CDH12: variants seen among roughly 807,000 people sequenced by gnomAD.
The protein encoded by CDH12 is cadherin-12.
A neutral mutation model predicts 74.1 loss-of-function variants in CDH12; 41 were observed. The observed-to-expected ratio is 0.55, with a 90% CI of 0.43 to 0.72. CDH12 has a LOEUF of 0.72. CDH12 is among the 30% of genes least tolerant of loss of function. The pLI, the probability that CDH12 is intolerant of heterozygous loss-of-function variation, is 0.00. For synonymous variants in CDH12, 399 were observed against 355.0 expected (o/e 1.12, Z -1.39); for missense variants, 945 against 977.2 (o/e 0.97, Z 0.44).
chr5:22,641,417 C>T (rs1280618617), intron 1 of CDH12, among the ~76,000 whole-genome samples: 1 of 151,990 alleles, frequency 6.6e-6, no homozygotes, highest in African/African-American at 2.4e-5. Context: ...TATTTGGGGC[C>T]CCAAGTGGTT....
intron 5 of CDH12, among the ~76,000 whole-genome samples, chr5:22,027,861 C>T (rs572145404): frequency 0.032 from 4,839 of 151,866 alleles, 261 homozygotes; most frequent in African/African-American, 0.11. Flanking sequence ...TGCTAGCTTT[C>T]GAATGTGTTT....
chr5:21,947,930 A>G (rs116236304), intron 6 of CDH12, among the ~76,000 whole-genome samples: 1 of 152,184 alleles, frequency 6.6e-6, no homozygotes, highest in African/African-American at 2.4e-5. Context: ...AAAGGAGACA[A>G]TGTACAGCTC....
intron 2 of CDH12, among the ~76,000 whole-genome samples, chr5:22,407,327 T>C (rs1742982024): frequency 6.6e-6 from 1 of 152,076 alleles, no homozygotes; most frequent in Admixed American, 6.6e-5. Flanking sequence ...CTTTGATTTC[T>C]TCTCCTCCCA....
intron 2 of CDH12, among the ~76,000 whole-genome samples, chr5:22,497,083 T>A (rs1747132079): frequency 6.6e-6 from 1 of 152,184 alleles, no homozygotes; most frequent in Non-Finnish European, 1.5e-5. Context: ...TCTCATACAA[T>A]TCTTATGAGG....
intron 6 of CDH12, among the ~76,000 whole-genome samples, chr5:21,962,908 C>G (rs1756424152): frequency 6.6e-6 from 1 of 152,114 alleles, no homozygotes; most frequent in Admixed American, 6.6e-5. Context: ...CTGCTTTCAG[C>G]AGGTCTTGCA....
chr5:22,029,289 G>A (rs1738633478), intron 5 of CDH12, among the ~76,000 whole-genome samples: 1 of 152,094 alleles, frequency 6.6e-6, no homozygotes, highest in South Asian at 2.1e-4. Context: ...AAGAGCGTCT[G>A]CACAGCAAAA....
At chr5:22,216,394 A>T (rs1751803507) in intron 3 of CDH12, among the ~76,000 whole-genome samples, 1 of 151,958 alleles carries the variant, frequency 6.6e-6, no homozygotes, top group Non-Finnish European at 1.5e-5. Flanking sequence ...TATTAGTCTT[A>T]TGATTCTTAC....
At chr5:22,098,700 C>T (rs138569857) in intron 4 of CDH12, among the ~76,000 whole-genome samples, 1,750 of 152,248 alleles carry the variant, frequency 0.011, 29 homozygotes, top group African/African-American at 0.04. Context: ...ATCCGGCCTC[C>T]CACATTATTC....
chr5:21,945,864 A>G (rs1414783518), intron 6 of CDH12, among the ~76,000 whole-genome samples: 1 of 152,124 alleles, frequency 6.6e-6, no homozygotes, highest in Admixed American at 6.5e-5. Context: ...GGACTAAAAA[A>G]CTATTAAAAA....
intron 2 of CDH12, among the ~76,000 whole-genome samples, chr5:22,411,260 C>T (rs1743158345): frequency 1.3e-5 from 2 of 151,360 alleles, no homozygotes; most frequent in Non-Finnish European, 3.0e-5. Flanking sequence ...TTCTATATAC[C>T]AATGGAAAAC....
At chr5:22,367,113 AT>A (rs1175578772) in intron 3 of CDH12, among the ~76,000 whole-genome samples, 2 of 152,210 alleles carry the variant, frequency 1.3e-5, no homozygotes, top group Admixed American at 1.3e-4. Context: ...GGTTACTTGT[AT>A]TTTTGTGTTT....
Position 21,884,256 on chromosome 5 carries a change from C to G in CDH12, c.527-29466G>C, listed in dbSNP as rs1339187688. On this transcript the variant is annotated intron_variant, in intron 6 of 14. Coordinates refer to ENST00000382254, the MANE Select transcript of CDH12 (RefSeq NM_004061.5). ...AGAAATTCCTAAAGAAGAGAAGGAC[C>G]CTGGAATGGGTGCAATGGGTGGAAT... is the stretch of plus-strand genomic sequence containing the variant. 3.3e-6 allele frequency: 5 copies of G among 1,499,308 alleles called. No individual in the cohort carries two copies. The African/African-American group carries it at 5.5e-5, about 17-fold the overall frequency. 92.9% of individuals were successfully genotyped at this position (1,499,308 alleles called of 1,614,324 possible).
intron 1 of CDH12, among the ~76,000 whole-genome samples, chr5:22,835,955 A>C (rs555772089): frequency 2.0e-5 from 3 of 152,290 alleles, no homozygotes; most frequent in Non-Finnish European, 4.4e-5. Flanking sequence ...GCTAATTTCA[A>C]TGATGTTGGA....
At chr5:22,274,500 T>C (rs10059496) in intron 3 of CDH12, among the ~76,000 whole-genome samples, 1,728 of 152,194 alleles carry the variant, frequency 0.011, 35 homozygotes, top group African/African-American at 0.04. Flanking sequence ...GGACAATCAA[T>C]TTTTTAAATG....
At chr5:21,872,651 T>G (rs1435943176) in intron 6 of CDH12, among the ~76,000 whole-genome samples, 1 of 152,152 alleles carries the variant, frequency 6.6e-6, no homozygotes, top group East Asian at 1.9e-4. Context: ...AATAAATCAG[T>G]TTTGATGCAA....
chr5:21,755,601 A>G lies in CDH12; in HGVS notation c.1875T>C (p.Val625=). 6.2e-7 allele frequency: 1 copy of G among 1,613,912 alleles called. No individual in the cohort carries two copies. Among genetic ancestry groups the G allele is most frequent in the Non-Finnish European group, 8.5e-7 (1 of 1,179,882 alleles). ...GALIAILLCI[V]ILLAIVVLYV... ...AATATTGAAACCAACCTAAGAGTATAACAATGCATAGTAGAATTGCAATCA... is the reference window on the plus strand; with the variant it reads ...AATATTGAAACCAACCTAAGAGTATGACAATGCATAGTAGAATTGCAATCA... Residue 625 remains valine, a synonymous_variant, in exon 14 of 15, where the codon GTT becomes GTC. Transcript: ENST00000382254.
Position 22,110,493 on chromosome 5 carries a change from A to G in CDH12, c.-186-31631T>C, listed in dbSNP as rs555500581. Among the ~76,000 whole-genome samples the G allele has an allele frequency of 3.3e-5, 5 of 151,934 alleles. No individual in the cohort carries two copies. In the East Asian group the frequency reaches 7.8e-4, roughly 24 times the overall value. ...GGGGAAGGGGTGGGGGTGGCTAGGC[A>G]ATAGGCACTCACTTCTGATTGGAAG... On this transcript the variant is annotated intron_variant, in intron 4 of 14. Coordinates refer to ENST00000382254, the MANE Select transcript of CDH12 (RefSeq NM_004061.5).
intron 5 of CDH12, among the ~76,000 whole-genome samples, chr5:22,017,022 A>G (rs1210677471): frequency 1.3e-5 from 2 of 152,094 alleles, no homozygotes; most frequent in African/African-American, 4.8e-5. Flanking sequence ...TCTCCACTCT[A>G]TGACCCACCA....
chr5:22,732,604 C>G (rs1280735490), intron 1 of CDH12, among the ~76,000 whole-genome samples: 2 of 151,880 alleles, frequency 1.3e-5, no homozygotes, highest in South Asian at 2.1e-4. Context: ...ACTTAGTCCA[C>G]TCCAATGTGA....
Sources: allele counts gnomAD v4.1 joint callset (sites outside exome capture counted in the v4.1 genomes callset), GRCh38; gene constraint gnomAD v4.1.1; transcripts MANE v1.5; gene names NCBI Gene and HGNC (gene_info 2026-07-23, HGNC 2026-07-21).